INHBC: variants seen among roughly 807,000 people sequenced by gnomAD.
INHBC encodes inhibin subunit beta C, also known as inhibin beta C chain.
In INHBC, 10 loss-of-function variants were observed where a neutral mutation model predicts 12.4. The ratio of observed to expected loss-of-function variants is 0.81; its 90% confidence interval spans 0.50 to 1.37. INHBC has a LOEUF of 1.37. Among genes scored for constraint, INHBC ranks in the 40% most tolerant of loss-of-function variants. The pLI is 0.00. For synonymous variants in INHBC, 147 were observed against 171.6 expected, an observed-to-expected ratio of 0.86 and a Z score of 1.12; for missense variants, 382 against 439.4, an observed-to-expected ratio of 0.87 and a Z score of 1.17.
intron 1 of INHBC, among the ~76,000 whole-genome samples, chr12:57,448,142 G>C (rs182149244): frequency 4.3e-4 from 66 of 151,736 alleles, no homozygotes; most frequent in Non-Finnish European, 7.2e-4. Context: ...TGTGCTGCCA[G>C]GACATTCATG....
At chr12:57,440,607 A>C (rs1417847144) in intron 1 of INHBC, among the ~76,000 whole-genome samples, 1 of 152,142 alleles carries the variant, frequency 6.6e-6, no homozygotes, top group Admixed American at 6.6e-5. Flanking sequence ...CTGGGATTAC[A>C]GGTGTTAGCC....
intron 1 of INHBC, among the ~76,000 whole-genome samples, chr12:57,439,953 C>T (rs571998137): frequency 9.2e-5 from 14 of 152,274 alleles, no homozygotes; most frequent in Admixed American, 2.0e-4. Context: ...TCAAGGGATC[C>T]TCCTGCTTCA....
chr12:57,439,366 G>C (rs572067148), intron 1 of INHBC, among the ~76,000 whole-genome samples: 2 of 152,190 alleles, frequency 1.3e-5, no homozygotes, highest in Admixed American at 6.5e-5. Context: ...TTAGGGCCTG[G>C]TTCTGCTCCC....
intron 1 of INHBC, among the ~76,000 whole-genome samples, chr12:57,444,367 T>G (rs12423654): frequency 6.6e-6 from 1 of 151,602 alleles, no homozygotes; most frequent in Non-Finnish European, 1.5e-5. Flanking sequence ...ATGGCAAAAC[T>G]CCGTCTCTAC....
At chr12:57,445,185 TAGTAGTTA>T (rs751026927) in intron 1 of INHBC, among the ~76,000 whole-genome samples, 1 of 152,214 alleles carries the variant, frequency 6.6e-6, no homozygotes, top group Non-Finnish European at 1.5e-5. Flanking sequence ...AGGCAGGGTG[TAGTAGTTA>T]AGTGTCAAAC....
chr12:57,435,993 C>T (rs1299282643), intron 1 of INHBC, among the ~76,000 whole-genome samples: 1 of 151,414 alleles, frequency 6.6e-6, no homozygotes, highest in Non-Finnish European at 1.5e-5. Context: ...ATTACAGGTG[C>T]CCGCCACCAC....
In INHBC at chr12:57,435,169, G is replaced by C. The variant is rs746381828; in HGVS notation, c.283G>C (p.Glu95Gln). Residue 95 changes from glutamate to glutamine, a missense_variant, in exon 1 of 2, where the codon GAA becomes CAA. Physicochemically the swap from Glu to Gln is conservative, Grantham distance 29. Coordinates refer to ENST00000309668, the MANE Select transcript of INHBC (RefSeq NM_005538.4). ...GALLEDNREQECEIISFAETG... is the reference protein window; with the variant it reads ...GALLEDNREQQCEIISFAETG... ...ACTTCTAGAGGACAACAGGGAACAG[G>C]AATGTGAAATCATCAGCTTTGCTGA... 6.2e-7 allele frequency: 1 copy of C among 1,613,124 alleles called. No homozygotes were observed. Among genetic ancestry groups the C allele is most frequent in the Non-Finnish European group, 8.5e-7 (1 of 1,179,224 alleles).
intron 1 of INHBC, among the ~76,000 whole-genome samples, chr12:57,435,895 G>A (rs961325876): frequency 1.3e-5 from 2 of 151,516 alleles, no homozygotes; most frequent in African/African-American, 2.4e-5. Context: ...CACCCAGGCT[G>A]GAGTGCAGTG....
chr12:57,438,640 G>A (rs1397390262), intron 1 of INHBC, among the ~76,000 whole-genome samples: 1 of 152,164 alleles, frequency 6.6e-6, no homozygotes, highest in Non-Finnish European at 1.5e-5. Flanking sequence ...AGTCATTGTA[G>A]CCAAGCCTAG....
intron 1 of INHBC, among the ~76,000 whole-genome samples, chr12:57,444,702 A>G (rs1002555762): frequency 6.6e-6 from 1 of 151,926 alleles, no homozygotes; most frequent in Non-Finnish European, 1.5e-5. Context: ...CATTTTTGAG[A>G]CAGCCTTGCT....
intron 1 of INHBC, 68 bp from the exon 2 acceptor site, chr12:57,449,206 GAGT>G: frequency 2.0e-6 from 3 of 1,528,700 alleles, no homozygotes; most frequent in Non-Finnish European, 2.6e-6. Flanking sequence ...CAAGAATGCT[GAGT>G]ACAGAGAAAT....
At chr12:57,441,994 T>C (rs1354984265) in intron 1 of INHBC, among the ~76,000 whole-genome samples, 1 of 152,168 alleles carries the variant, frequency 6.6e-6, no homozygotes, top group African/African-American at 2.4e-5. Flanking sequence ...CTCATGGTTT[T>C]GTGGCTTGAC....
At position 57,434,937 on chromosome 12, in the gene INHBC, G is replaced by A. The variant is rs778777804; in HGVS notation, c.51G>A (p.Val17=). The A allele has an allele frequency of 1.2e-6, 2 of 1,614,144 alleles. No homozygotes were observed. Among genetic ancestry groups the A allele is most frequent in the Non-Finnish European group, 8.5e-7 (1 of 1,180,016 alleles). The change falls in exon 1 of 2, where the codon GTG becomes GTA. Residue 17 remains valine, a synonymous_variant. Transcript: ENST00000309668. ...LAFLLLAPTT[V]ATPRAGGQCP... ...TTCTCCTCCTGGCTCCAACCACAGTGGCCACTCCCAGAGCTGGCGGTCAGT... is the reference window on the plus strand; with the variant it reads ...TTCTCCTCCTGGCTCCAACCACAGTAGCCACTCCCAGAGCTGGCGGTCAGT...
intron 1 of INHBC, among the ~76,000 whole-genome samples, chr12:57,445,024 T>C (rs1870545718): frequency 6.6e-6 from 1 of 152,100 alleles, no homozygotes; most frequent in South Asian, 2.1e-4. Flanking sequence ...CTGAAGCCTC[T>C]CTGAGGAGGA....
In INHBC at chr12:57,450,065, C is replaced by T. The variant is rs757237857; in HGVS notation, c.*43C>T. On this transcript the variant is annotated 3_prime_UTR_variant, in exon 2 of 2. Transcript: ENST00000309668. ...CAGCCCAAGGTTGCATGGGAAAACA[C>T]GCCCCTACAGAAGTGCACTTCCTTG... is the stretch of plus-strand genomic sequence containing the variant. 9.5e-6 allele frequency: 14 copies of T among 1,472,006 alleles called. No individual in the cohort carries two copies. The Middle Eastern group carries it at 1.0e-3, about 108-fold the overall frequency. The allele number at this position is 1,472,006 out of a possible 1,614,324, so 91.2% of individuals were successfully genotyped here.
chr12:57,442,588 G>A (rs1357315943), intron 1 of INHBC, among the ~76,000 whole-genome samples: 3 of 152,196 alleles, frequency 2.0e-5, no homozygotes, highest in Non-Finnish European at 1.5e-5. Context: ...ACCTGAGGAA[G>A]CTAACAAGGA....
At chr12:57,440,350 T>TTC (rs67965157) in intron 1 of INHBC, among the ~76,000 whole-genome samples, 1 of 146,618 alleles carries the variant, frequency 6.8e-6, no homozygotes, top group Non-Finnish European at 1.5e-5. Context: ...TTTTTTTTTT[T>TTC]TGAGACGGAG....
rs1423807266 is a variant in INHBC at position 57,449,824 on chromosome 12, G to A, written c.861G>A (p.Met287Ile). 6.2e-6 allele frequency: 10 copies of A among 1,613,044 alleles called. No individual in the cohort carries two copies. The African/African-American group carries it at 1.1e-4, about 17-fold the overall frequency. The change falls in exon 2 of 2, where the codon ATG becomes ATA. Residue 287 changes from methionine (M) to isoleucine (I), a missense_variant. Met to Ile is a conservative substitution (Grantham distance 10). Coordinates refer to ENST00000309668, the MANE Select transcript of INHBC (RefSeq NM_005538.4). ...AGTGCCCACTACACATAGCAGGCAT[G>A]CCTGGTATTGCTGCCTCCTTTCACA... ...IGQCPLHIAG[M>I]PGIAASFHTA...
intron 1 of INHBC, among the ~76,000 whole-genome samples, chr12:57,438,443 A>G (rs1870393895): frequency 1.3e-5 from 2 of 152,334 alleles, no homozygotes; most frequent in African/African-American, 2.4e-5. Flanking sequence ...CATGGGGGTT[A>G]TGATTTCAAC....
Sources: gnomAD v4.1 joint callset for allele counts (sites outside exome capture counted in the v4.1 genomes callset) on GRCh38, gnomAD v4.1.1 for gene constraint, MANE v1.5 for transcripts, NCBI Gene and HGNC (gene_info 2026-07-23, HGNC 2026-07-21) for gene names.